The following ARFGEF3 variants were observed in gnomAD, a reference collection of about 807,000 sequenced individuals.
ARFGEF3 encodes the protein ARFGEF family member 3.
In ARFGEF3, 96 loss-of-function variants were observed where a neutral mutation model predicts 221.7. That is an observed-to-expected ratio of 0.43 (90% CI 0.37 to 0.51). The LOEUF is 0.51. Among genes scored for constraint, ARFGEF3 ranks in the 20% least tolerant of loss-of-function variants. The probability of loss-of-function intolerance (pLI) is 0.00; values close to 1 mark genes in which losing one functional copy is unlikely to be tolerated. For synonymous variants in ARFGEF3, 1,145 were observed against 1,126.8 expected (o/e 1.02, Z -0.32); for missense variants, 2,410 against 2,789.9 (o/e 0.86, Z 3.07).
chr6:138,292,617 CTCACTTACCTCTT>C (rs1235588585), intron 19 of ARFGEF3, among the ~76,000 whole-genome samples: 2 of 152,138 alleles, frequency 1.3e-5, no homozygotes, highest in African/African-American at 4.8e-5. Flanking sequence ...ACAGTTCCAC[CTCACTTACCTCTT>C]CAGTGTTTGG....
At chr6:138,197,965 T>C (rs1777462114) in intron 2 of ARFGEF3, among the ~76,000 whole-genome samples, 2 of 152,238 alleles carry the variant, frequency 1.3e-5, no homozygotes, top group Non-Finnish European at 2.9e-5. Context: ...ACTGCCAACA[T>C]TGAGCTGAGC....
In ARFGEF3 at chr6:138,343,154, C is replaced by T. The variant is rs1780458646; in HGVS notation, c.*6668C>T. The T allele has an allele frequency of 6.6e-6, 1 of 151,714 alleles. No individual in the cohort carries two copies. Among genetic ancestry groups the T allele is most frequent in the Admixed American group, 6.6e-5 (1 of 15,206 alleles). The allele number at this position is 151,714 out of a possible 1,614,324, so 9.4% of individuals were successfully genotyped here. A position where few individuals can be genotyped will look rare whatever the true frequency, so the allele number is the denominator to read the frequency against. ...TTAATTAGTTTTGGAAATTCTTTTA[C>T]CATTAAAAAAAATTAAGGACCATAC... is the stretch of plus-strand genomic sequence containing the variant. On this transcript the variant is annotated 3_prime_UTR_variant, in exon 34 of 34. Transcript: ENST00000251691.
In ARFGEF3 at chr6:138,280,055, C is replaced by T. The variant is rs778043129; in HGVS notation, c.2352C>T (p.Ala784=). The change falls in exon 14 of 34, where the codon GCC becomes GCT. Residue 784 remains alanine (A), a synonymous_variant. Coordinates refer to ENST00000251691, the MANE Select transcript of ARFGEF3 (RefSeq NM_020340.5). ...TSGVLMVFSQ[A]WIEELYHQVL... ...GCGTGCTGATGGTCTTCTCTCAGGC[C>T]TGGATTGAGGAGCTCTACCATCAGG... 1.2e-6 allele frequency: 2 copies of T among 1,613,894 alleles called. No individual in the cohort carries two copies. Among genetic ancestry groups the T allele is most frequent in the African/African-American group, 2.7e-5 (2 of 75,044 alleles).
At position 138,291,669 on chromosome 6, in the gene ARFGEF3, G is replaced by A. The variant is rs2114636149; in HGVS notation, c.3048-64G>A. 1 of 1,176,966 alleles carries A rather than the reference G, an allele frequency of 8.5e-7. No homozygotes were observed. The highest frequency in any genetic ancestry group is 1.1e-6 in the Non-Finnish European group (1 of 908,576). 72.9% of individuals were successfully genotyped at this position (1,176,966 alleles called of 1,614,324 possible). The stretch of plus-strand genomic sequence containing the variant: ...TGCATTTCCTTTGTCTGGCACTGTG[G>A]GGTTTATGGAGCTGCCGGGGTGAGC... On this transcript the variant is annotated intron_variant, in intron 18 of 33. Coordinates refer to ENST00000251691, the MANE Select transcript of ARFGEF3 (RefSeq NM_020340.5). This position sits in a 1 kb window ranked among gnomAD's most constrained non-coding sequence, Gnocchi z 4.5.
rs866898227 is a variant in ARFGEF3 at position 138,164,087 on chromosome 6, A to G, written c.85+1916A>G. Among the ~76,000 whole-genome samples the G allele has an allele frequency of 1.1e-3, 174 of 152,330 alleles. 1 individual carries two copies. The highest frequency in any genetic ancestry group is 4.0e-3 in the African/African-American group (166 of 41,562). Reference sequence around the variant, plus strand: ...TATGGATGAATAAAATGTTCCCTGTAAGGAATTTGTTAGAAGGGCATGCTG... The same window carrying G: ...TATGGATGAATAAAATGTTCCCTGTGAGGAATTTGTTAGAAGGGCATGCTG... On this transcript the variant is annotated intron_variant, in intron 1 of 33. Transcript: ENST00000251691.
At chr6:138,195,927 TG>T (rs1194551318) in intron 2 of ARFGEF3, among the ~76,000 whole-genome samples, 1 of 149,688 alleles carries the variant, frequency 6.7e-6, no homozygotes, top group Non-Finnish European at 1.5e-5. Flanking sequence ...AAAATTGACA[TG>T]TGGGAGATAA....
intron 14 of ARFGEF3, among the ~76,000 whole-genome samples, chr6:138,283,308 A>G (rs775779671): frequency 3.3e-5 from 5 of 152,364 alleles, no homozygotes; most frequent in Non-Finnish European, 7.3e-5. Flanking sequence ...AAAAGGAGTC[A>G]TTCAGTACAT....
intron 14 of ARFGEF3, among the ~76,000 whole-genome samples, chr6:138,280,776 G>A (rs766359959): frequency 2.6e-5 from 4 of 151,900 alleles, no homozygotes; most frequent in Non-Finnish European, 4.4e-5. Flanking sequence ...ATTTGAACCC[G>A]GGAGGCAGAG....
At chr6:138,194,307 A>G (rs1335467737) in intron 2 of ARFGEF3, among the ~76,000 whole-genome samples, 1 of 150,212 alleles carries the variant, frequency 6.7e-6, no homozygotes, top group African/African-American at 2.4e-5. Context: ...GTATTTTCCC[A>G]CTACTTTTCT....
chr6:138,220,730 C>A (rs922206711), intron 4 of ARFGEF3, among the ~76,000 whole-genome samples: 2 of 152,240 alleles, frequency 1.3e-5, no homozygotes, highest in Non-Finnish European at 2.9e-5. Flanking sequence ...TCAGCCCTTC[C>A]ACAGTAATTT....
chr6:138,237,081 A>G (rs2114544920), intron 5 of ARFGEF3, among the ~76,000 whole-genome samples: 1 of 152,122 alleles, frequency 6.6e-6, no homozygotes, highest in Non-Finnish European at 1.5e-5. Flanking sequence ...ATTAAACTTA[A>G]AAAAAATTAT....
intron 12 of ARFGEF3, among the ~76,000 whole-genome samples, chr6:138,264,394 A>G (rs893132405): frequency 2.0e-5 from 3 of 152,188 alleles, no homozygotes; most frequent in Admixed American, 1.3e-4. Flanking sequence ...TGGTGGGAAT[A>G]AATGTTGGTA....
At chr6:138,213,959 A>T (rs908314451) in intron 4 of ARFGEF3, among the ~76,000 whole-genome samples, 1 of 152,150 alleles carries the variant, frequency 6.6e-6, no homozygotes, top group Admixed American at 6.5e-5. Context: ...ATCATTTGCT[A>T]TTTCTGAGAT....
chr6:138,208,414 A>G (rs1176392013), intron 3 of ARFGEF3, among the ~76,000 whole-genome samples: 1 of 152,214 alleles, frequency 6.6e-6, no homozygotes, highest in Non-Finnish European at 1.5e-5. Flanking sequence ...TATAGGCAAA[A>G]TTTCAGGGAG....
intron 17 of ARFGEF3, 86 bp downstream of exon 17, chr6:138,287,270 T>C (rs1779315658): frequency 2.1e-6 from 2 of 972,044 alleles, no homozygotes; most frequent in African/African-American, 3.2e-5. Flanking sequence ...CAGCCAACAC[T>C]CGTGCCTGTT....
intron 4 of ARFGEF3, among the ~76,000 whole-genome samples, chr6:138,228,975 A>T (rs1006472846): frequency 6.6e-6 from 1 of 152,270 alleles, no homozygotes; most frequent in African/African-American, 2.4e-5. Context: ...AGCAGTTCTT[A>T]AAATGCCACA....
intron 4 of ARFGEF3, among the ~76,000 whole-genome samples, chr6:138,224,927 A>G (rs1583020893): frequency 6.6e-6 from 1 of 152,208 alleles, no homozygotes; most frequent in Non-Finnish European, 1.5e-5. Context: ...ATTAATATAT[A>G]ATATAAAGCT....
At chr6:138,163,095 A>G (rs1776650845) in intron 1 of ARFGEF3, among the ~76,000 whole-genome samples, 1 of 151,186 alleles carries the variant, frequency 6.6e-6, no homozygotes, top group African/African-American at 2.4e-5. Context: ...CTGTCATGAC[A>G]CTGTGTGTGC....
intron 10 of ARFGEF3, among the ~76,000 whole-genome samples, chr6:138,258,683 A>G (rs1778731806): frequency 6.6e-6 from 1 of 152,202 alleles, no homozygotes; most frequent in Admixed American, 6.5e-5. Flanking sequence ...TTGCTTCTGT[A>G]TGTTTTCCCC....
Sources: allele counts gnomAD v4.1 joint callset (sites outside exome capture counted in the v4.1 genomes callset), GRCh38; gene constraint gnomAD v4.1.1; non-coding constraint Gnocchi (gnomAD v3.1); transcripts MANE v1.5; gene names NCBI Gene and HGNC (gene_info 2026-07-23, HGNC 2026-07-21).